ACOX3: variants seen among roughly 807,000 people sequenced by gnomAD.
The protein encoded by ACOX3 is peroxisomal acyl-coenzyme A oxidase 3.
ACOX3 carries 73 observed loss-of-function variants against 81.5 expected under a neutral mutation model. That is an observed-to-expected ratio of 0.90 (90% CI 0.74 to 1.09). The LOEUF (loss-of-function observed/expected upper bound fraction) is 1.09. Among genes scored for constraint, ACOX3 ranks in the 50% least tolerant of loss-of-function variants. The probability of loss-of-function intolerance (pLI) is 0.00; values close to 1 mark genes in which losing one functional copy is unlikely to be tolerated. For synonymous variants in ACOX3, 387 were observed against 375.1 expected, an observed-to-expected ratio of 1.03 and a Z score of -0.37; for missense variants, 947 against 928.0, an observed-to-expected ratio of 1.02 and a Z score of -0.27.
At chr4:8,375,674 C>G (rs1293709605) in intron 14 of ACOX3, among the ~76,000 whole-genome samples, 4 of 152,282 alleles carry the variant, frequency 2.6e-5, no homozygotes, top group African/African-American at 4.8e-5. Flanking sequence ...CCCTCTCCCC[C>G]TGCCGTAAGG....
chr4:8,389,438 C>A lies in ACOX3; in HGVS notation c.1424-152G>T, dbSNP rs985134972. ...GGGTCTGGGTCTCAAGGACCCTCCC[C>A]ACCCCAGCCTTTGCCCATGCCTTGG... On this transcript the variant is annotated intron_variant, in intron 12 of 17. Transcript: ENST00000356406. This position sits in a 1 kb window ranked among gnomAD's most constrained non-coding sequence, Gnocchi z 5.3. The A allele has an allele frequency of 1.5e-6, 2 of 1,301,854 alleles. No individual in the cohort carries two copies. The highest frequency in any genetic ancestry group is 2.1e-6 in the Non-Finnish European group (2 of 947,186). The allele number at this position is 1,301,854 out of a possible 1,614,324, so 80.6% of individuals were successfully genotyped here. A position where few individuals can be genotyped will look rare whatever the true frequency, so the allele number is the denominator to read the frequency against.
intron 1 of ACOX3, among the ~76,000 whole-genome samples, chr4:8,425,776 C>A (rs1161590021): frequency 6.6e-6 from 1 of 151,858 alleles, no homozygotes; most frequent in African/African-American, 2.4e-5. Flanking sequence ...AATAAAGGCA[C>A]TAATTCATGA....
At chr4:8,425,100 T>C (rs1321695924) in intron 1 of ACOX3, among the ~76,000 whole-genome samples, 2 of 152,116 alleles carry the variant, frequency 1.3e-5, no homozygotes, top group African/African-American at 4.8e-5. Context: ...AGGGAACACC[T>C]ATCAAATCTC....
rs760462877 is a variant in ACOX3, at chr4:8,421,990, C to T, written c.-14-5455G>A. Among the ~76,000 whole-genome samples the T allele has an allele frequency of 9.9e-5, 15 of 152,280 alleles. 1 individual carries two copies. In the South Asian group the frequency reaches 1.2e-3, roughly 13 times the overall value. On this transcript the variant is annotated intron_variant, in intron 1 of 17. Coordinates refer to ENST00000356406, the MANE Select transcript of ACOX3 (RefSeq NM_003501.3). ...ACTTTAACAACTGGAACTGTGTCTA[C>T]GACAACAGAATAGATCAGGAAGAAA...
intron 1 of ACOX3, chr4:8,428,376 T>C (rs1402211677): frequency 6.6e-6 from 1 of 152,662 alleles, no homozygotes; most frequent in African/African-American, 2.4e-5. Context: ...GGGATGCCTG[T>C]CGGCCCGCGA....
intron 1 of ACOX3, among the ~76,000 whole-genome samples, chr4:8,434,712 C>T (rs1268838273): frequency 2.0e-5 from 3 of 152,236 alleles, no homozygotes; most frequent in Admixed American, 6.5e-5. Flanking sequence ...TCACCCATGG[C>T]GTGCCTGTAC....
Position 8,399,878 on chromosome 4 carries a change from T to C in ACOX3, c.777-226A>G, listed in dbSNP as rs557078045. Among the ~76,000 whole-genome samples the C allele has an allele frequency of 1.3e-5, 2 of 152,234 alleles. No homozygotes were observed. The highest frequency in any genetic ancestry group is 4.8e-5 in the African/African-American group (2 of 41,552). On this transcript the variant is annotated intron_variant, in intron 7 of 17. Coordinates refer to ENST00000356406, the MANE Select transcript of ACOX3 (RefSeq NM_003501.3). The surrounding 1 kb of genome is among the most constrained non-coding windows in gnomAD (Gnocchi z 4.9). ...TCTTTGGAAGACTGAGGCAGGAGGA[T>C]TGCTTGAGCCCAGGAGTTTGAGACC...
At chr4:8,369,873 C>T (rs1260204597) in intron 17 of ACOX3, among the ~76,000 whole-genome samples, 3 of 152,214 alleles carry the variant, frequency 2.0e-5, no homozygotes, top group African/African-American at 4.8e-5. Flanking sequence ...CTGTGACTCA[C>T]AGCCAGGGGA....
At chr4:8,435,653 G>A (rs1279787200) in intron 1 of ACOX3, among the ~76,000 whole-genome samples, 2 of 152,192 alleles carry the variant, frequency 1.3e-5, no homozygotes, top group African/African-American at 4.8e-5. Context: ...TTGATTCATG[G>A]TTAAATATAA....
Position 8,409,892 on chromosome 4 carries a change from G to C in ACOX3, c.687+320C>G, listed in dbSNP as rs185087838. On this transcript the variant is annotated intron_variant, in intron 6 of 17. Coordinates refer to ENST00000356406, the MANE Select transcript of ACOX3 (RefSeq NM_003501.3). ...GGGCTGTAGGATACACTGTGGGCGG[G>C]GCTGTAGGAATACACTGTGGGCGGA... Among the ~76,000 whole-genome samples the C allele has an allele frequency of 4.5e-4, 68 of 151,408 alleles. 2 individuals carry two copies. The highest frequency in any genetic ancestry group is 2.9e-3 in the East Asian group (15 of 5,130).
chr4:8,425,473 G>A (rs1047629589), intron 1 of ACOX3, among the ~76,000 whole-genome samples: 5 of 151,512 alleles, frequency 3.3e-5, no homozygotes, highest in African/African-American at 1.2e-4. Context: ...CTTTCACTTA[G>A]GCATTGATAG....
Position 8,415,754 on chromosome 4 carries a change from C to T in ACOX3, c.378+12G>A. The T allele has an allele frequency of 6.2e-7, 1 of 1,611,922 alleles. No homozygotes were observed. The highest frequency in any genetic ancestry group is 2.2e-5 in the East Asian group (1 of 44,874). On this transcript the variant is annotated intron_variant, in intron 3 of 17. Coordinates refer to ENST00000356406, the MANE Select transcript of ACOX3 (RefSeq NM_003501.3). Reference sequence around the variant, plus strand: ...GAAAGCCGTTTCCCTCTCCCCTAGGCCGCATGCTCACCAAGCTATGGAGGA... The same window carrying T: ...GAAAGCCGTTTCCCTCTCCCCTAGGTCGCATGCTCACCAAGCTATGGAGGA...
intron 1 of ACOX3, among the ~76,000 whole-genome samples, chr4:8,418,556 A>C (rs531853198): frequency 6.6e-6 from 1 of 152,318 alleles, no homozygotes; most frequent in South Asian, 2.1e-4. Flanking sequence ...ATTTCTCCAA[A>C]GACAGACAAA....
At chr4:8,418,147 T>C (rs957315439) in intron 1 of ACOX3, among the ~76,000 whole-genome samples, 1 of 152,200 alleles carries the variant, frequency 6.6e-6, no homozygotes, top group African/African-American at 2.4e-5. Flanking sequence ...GAAGAGAAGA[T>C]AATACTTCCC....
Position 8,375,144 on chromosome 4 carries a change from G to A in ACOX3, c.1662C>T (p.His554=), listed in dbSNP as rs765494768. 2.7e-5 allele frequency: 41 copies of A among 1,544,492 alleles called. No individual in the cohort carries two copies. Among genetic ancestry groups the A allele is most frequent in the Non-Finnish European group, 3.2e-5 (36 of 1,142,296 alleles). The change falls in exon 15 of 18, where the codon CAC becomes CAT. Residue 554 remains histidine, a synonymous_variant. Coordinates refer to ENST00000356406, the MANE Select transcript of ACOX3 (RefSeq NM_003501.3). Reference sequence around the variant, plus strand: ...CGAAGGCCAGCGCCAACGGACGGCCGTGGGACACCTGGAACACAGGACGGC... The same window carrying A: ...CGAAGGCCAGCGCCAACGGACGGCCATGGGACACCTGGAACACAGGACGGC... ...FEARNKCQVS[H]GRPLALAFVE...
chr4:8,376,520 G>A (rs759390283), intron 14 of ACOX3, among the ~76,000 whole-genome samples: 17 of 152,198 alleles, frequency 1.1e-4, no homozygotes, highest in Non-Finnish European at 1.8e-4. Flanking sequence ...CACAAAGCCA[G>A]TGTCCTCCAG....
At chr4:8,426,892 G>A (rs1195791826) in intron 1 of ACOX3, among the ~76,000 whole-genome samples, 2 of 152,112 alleles carry the variant, frequency 1.3e-5, no homozygotes, top group Non-Finnish European at 2.9e-5. Flanking sequence ...TGATGACATC[G>A]AAGGCACCAC....
At chr4:8,396,854 G>A (rs1719751640) in intron 9 of ACOX3, 83 bp downstream of exon 9, 2 of 1,513,476 alleles carry the variant, frequency 1.3e-6, no homozygotes, top group East Asian at 2.3e-5. Flanking sequence ...TCAACTCCCA[G>A]TAACCAAACG....
intron 13 of ACOX3, among the ~76,000 whole-genome samples, chr4:8,388,728 C>T (rs966667718): frequency 2.0e-5 from 3 of 152,170 alleles, no homozygotes; most frequent in East Asian, 1.9e-4. Flanking sequence ...GCGGGAGGTG[C>T]GCCAGGGCGG....
Sources: allele counts gnomAD v4.1 joint callset (sites outside exome capture counted in the v4.1 genomes callset), GRCh38; gene constraint gnomAD v4.1.1; non-coding constraint Gnocchi (gnomAD v3.1); transcripts MANE v1.5; gene names NCBI Gene and HGNC (gene_info 2026-07-23, HGNC 2026-07-21).